The following EGR2 variants were observed in gnomAD, a reference collection of about 807,000 sequenced individuals.
EGR2 encodes E3 SUMO-protein ligase EGR2.
EGR2 carries 2 observed loss-of-function variants against 21.2 expected under a neutral mutation model. The observed-to-expected ratio is 0.09, with a 90% CI of 0.04 to 0.30. EGR2 has a LOEUF of 0.30. EGR2 is among the 10% of genes least tolerant of loss of function. EGR2 has a pLI of 1.00. For synonymous variants in EGR2, 282 were observed against 258.2 expected, an observed-to-expected ratio of 1.09 and a Z score of -0.88; for missense variants, 458 against 630.2, an observed-to-expected ratio of 0.73 and a Z score of 2.93.
Position 62,813,346 on chromosome 10 carries a change from G to A in EGR2, c.1292C>T (p.Pro431Leu). Residue 431 changes from proline (P) to leucine (L), a missense_variant, in exon 2 of 2, where the codon CCC becomes CTC. By Grantham distance (98) the Pro-to-Leu change is moderately conservative (BLOSUM62 -3). This residue lies in a region of EGR2 where 69 missense variants were observed against 70.4 expected (regional missense o/e 0.98). Coordinates refer to ENST00000242480, the MANE Select transcript of EGR2 (RefSeq NM_000399.5). This position sits in a 1 kb window ranked among gnomAD's most constrained non-coding sequence, Gnocchi z 5.7. ...AGAGGGGGCTGGCACCGATGCAGAG[G>A]GGGCACTGCTTTTCCGCTCTTTCTG... ...LRQKERKSSA[P>L]SASVPAPSTA... The A allele has an allele frequency of 6.3e-7, 1 of 1,597,890 alleles. No homozygotes were observed. Among genetic ancestry groups the A allele is most frequent in the South Asian group, 1.1e-5 (1 of 88,588 alleles).
At position 62,813,713 on chromosome 10, in the gene EGR2, C is replaced by G; in HGVS notation, c.925G>C (p.Ala309Pro). ...SAAAAAAAAA[A>P]YNPHHLPLRP... ...AGTGGCAGGTGGTGTGGGTTATAGG[C>G]GGCGGCGGCGGCGGCTGCTGCTGCT... Residue 309 changes from alanine to proline, a missense_variant, in exon 2 of 2, where the codon GCC (alanine) becomes CCC (proline). Transcript: ENST00000242480. The surrounding 1 kb of genome is among the most constrained non-coding windows in gnomAD (Gnocchi z 5.7). 10 of 1,607,790 alleles carry G rather than the reference C, an allele frequency of 6.2e-6. No homozygotes were observed. Among genetic ancestry groups the G allele is most frequent in the Non-Finnish European group, 8.5e-6 (10 of 1,178,196 alleles).
Position 62,814,106 on chromosome 10 carries a change from C to A in EGR2, c.532G>T (p.Ala178Ser), listed in dbSNP as rs1244249285. 2 of 1,613,884 alleles carry A rather than the reference C, an allele frequency of 1.2e-6. No individual in the cohort carries two copies. Among genetic ancestry groups the A allele is most frequent in the Non-Finnish European group, 1.7e-6 (2 of 1,179,858 alleles). ...PPPPPPYSGCAGDLYQDPSAF... is the reference protein window; with the variant it reads ...PPPPPPYSGCSGDLYQDPSAF... Reference sequence around the variant, plus strand: ...GAAGGGTCCTGGTAGAGGTCTCCTGCACAGCCAGAATAAGGAGGAGGAGGC... The same window carrying A: ...GAAGGGTCCTGGTAGAGGTCTCCTGAACAGCCAGAATAAGGAGGAGGAGGC... Residue 178 changes from alanine to serine, a missense_variant, in exon 2 of 2, where the codon GCA becomes TCA. Ala to Ser is a moderately conservative substitution (Grantham distance 99). Transcript: ENST00000242480. This position sits in a 1 kb window ranked among gnomAD's most constrained non-coding sequence, Gnocchi z 4.8.
chr10:62,818,127 T>C (rs1039321096), upstream of EGR2, among the ~76,000 whole-genome samples: 2 of 152,136 alleles, frequency 1.3e-5, no homozygotes, highest in East Asian at 3.9e-4. Context: ...CGCCACGCCG[T>C]GGAGGAAGCG....
chr10:62,816,721 G>C (rs181850827), upstream of EGR2, among the ~76,000 whole-genome samples: 13 of 152,266 alleles, frequency 8.5e-5, no homozygotes, highest in Admixed American at 8.5e-4. Flanking sequence ...GGTTCTCTGG[G>C]ACTTTCCAAA....
At chr10:62,815,281 A>C (rs1842232107) in intron 1 of EGR2, among the ~76,000 whole-genome samples, 1 of 150,998 alleles carries the variant, frequency 6.6e-6, no homozygotes, top group East Asian at 2.0e-4. Context: ...TCCACCACCC[A>C]CTCGCTGCCT....
In EGR2 at chr10:62,814,722, C is replaced by T. The variant is rs1303812601; in HGVS notation, c.170-254G>A. Among the ~76,000 whole-genome samples the T allele has an allele frequency of 3.3e-5, 5 of 152,202 alleles. No individual in the cohort carries two copies. The highest frequency in any genetic ancestry group is 1.2e-4 in the African/African-American group (5 of 41,438). ...GCAGAATGAGCTTTTCCCAACTCCC[C>T]TCCACCCCCAGCCATCTGTGGCTCT... On this transcript the variant is annotated intron_variant, in intron 1 of 1. Transcript: ENST00000242480. This position sits in a 1 kb window ranked among gnomAD's most constrained non-coding sequence, Gnocchi z 4.8.
In EGR2 at chr10:62,816,271, C is replaced by T; in HGVS notation, c.-242G>A. ...CACTGACTCTCTCCTGTCTGTGTTC[C>T]GGCTGCTGGGAAGCCAGGAGTTGCT... On this transcript the variant is annotated 5_prime_UTR_variant, in exon 1 of 2. Transcript: ENST00000242480. The T allele has an allele frequency of 7.3e-7, 1 of 1,373,338 alleles. No individual in the cohort carries two copies. Among genetic ancestry groups the T allele is most frequent in the East Asian group, 3.0e-5 (1 of 33,776 alleles). The allele number at this position is 1,373,338 out of a possible 1,614,324, so 85.1% of individuals were successfully genotyped here. A position where few individuals can be genotyped will look rare whatever the true frequency, so the allele number is the denominator to read the frequency against.
rs1406117779 is a variant in EGR2, at chr10:62,814,278, G to T, written c.360C>A (p.Ile120=). Residue 120 remains isoleucine (I), a synonymous_variant, in exon 2 of 2, where the codon ATC becomes ATA. Transcript: ENST00000242480. This position sits in a 1 kb window ranked among gnomAD's most constrained non-coding sequence, Gnocchi z 4.8. Reference sequence around the variant, plus strand: ...AAGCTGGGGAAGTGACCCCTTGCAAGATGCCTGCACTCACAATATTGATTA... The same window carrying T: ...AAGCTGGGGAAGTGACCCCTTGCAATATGCCTGCACTCACAATATTGATTA... ...EGIINIVSAG[I]LQGVTSPAST... is the part of the protein sequence containing the mutation. 6.2e-7 allele frequency: 1 copy of T among 1,614,032 alleles called. No homozygotes were observed. Among genetic ancestry groups the T allele is most frequent in the Non-Finnish European group, 8.5e-7 (1 of 1,180,032 alleles).
At position 62,813,800 on chromosome 10, in the gene EGR2, C is replaced by T. The variant is rs1842184754; in HGVS notation, c.838G>A (p.Val280Met). Residue 280 changes from valine to methionine, a missense_variant, in exon 2 of 2, where the codon GTG becomes ATG. Physicochemically the swap from Val to Met is conservative, Grantham distance 21 (BLOSUM62 1). Coordinates refer to ENST00000242480, the MANE Select transcript of EGR2 (RefSeq NM_000399.5). This position sits in a 1 kb window ranked among gnomAD's most constrained non-coding sequence, Gnocchi z 5.7. ...CCTCCACTGGCCCCTGGTCCGGTCA[C>T]CCCAGCACTGGGGCCCCCCAGGGTA... The part of the protein sequence containing the change: ...NFTLGGPSAG[V>M]TGPGASGGSE... 1 of 1,613,610 alleles carries T rather than the reference C, an allele frequency of 6.2e-7. No homozygotes were observed. The highest frequency in any genetic ancestry group is 1.1e-5 in the South Asian group (1 of 91,080).
upstream of EGR2, among the ~76,000 whole-genome samples, chr10:62,817,852 C>A (rs1002045782): frequency 6.6e-6 from 1 of 152,210 alleles, no homozygotes; most frequent in Admixed American, 6.5e-5. This position sits in a 1 kb window ranked among gnomAD's most constrained non-coding sequence, Gnocchi z 4.4. Context: ...CAGTGCGCCC[C>A]AGCCCGCAAT....
chr10:62,814,147 A>G lies in EGR2; in HGVS notation c.491T>C (p.Leu164Pro). 6.2e-7 allele frequency: 1 copy of G among 1,614,040 alleles called. No individual in the cohort carries two copies. Among genetic ancestry groups the G allele is most frequent in the Non-Finnish European group, 8.5e-7 (1 of 1,179,962 alleles). The change falls in exon 2 of 2, where the codon CTG (leucine) becomes CCG (proline). Residue 164 changes from leucine (L) to proline (P), a missense_variant. By Grantham distance (98) the Leu-to-Pro change is moderately conservative (BLOSUM62 -3). Transcript: ENST00000242480. This position sits in a 1 kb window ranked among gnomAD's most constrained non-coding sequence, Gnocchi z 4.8. The part of the protein sequence containing the change: ...MSQTQPDLDH[L>P]YSPPPPPPPY... ...AGGAGGAGGCGGTGGCGGAGAGTAC[A>G]GGTGGTCCAGGTCAGGCTGGGTCTG...
chr10:62,812,883 T>G lies in EGR2; in HGVS notation c.*324A>C. ...TGTGATGGGTCAAAATAAGGGGAAG[T>G]GGGGTAGCAAAACCTAGTCAAACAA... On this transcript the variant is annotated 3_prime_UTR_variant, in exon 2 of 2. Coordinates refer to ENST00000242480, the MANE Select transcript of EGR2 (RefSeq NM_000399.5). 1 of 251,594 alleles carries G rather than the reference T, an allele frequency of 4.0e-6. No individual in the cohort carries two copies. The allele number at this position is 251,594 out of a possible 1,614,324, so 15.6% of individuals were successfully genotyped here.
chr10:62,813,870 C>T lies in EGR2; in HGVS notation c.768G>A (p.Leu256=). The stretch of plus-strand genomic sequence containing the variant: ...GTGGAGTGAGTGGAGGGGGCACCCG[C>T]AGGGTGTCCAGTGGGCAGGGAAAGG... ...RKPFPCPLDT[L]RVPPPLTPLS... is the part of the protein sequence containing the mutation. Residue 256 remains leucine, a synonymous_variant, in exon 2 of 2, where the codon CTG becomes CTA. Coordinates refer to ENST00000242480, the MANE Select transcript of EGR2 (RefSeq NM_000399.5). The surrounding 1 kb of genome is among the most constrained non-coding windows in gnomAD (Gnocchi z 5.7). The T allele has an allele frequency of 6.2e-7, 1 of 1,614,124 alleles. No individual in the cohort carries two copies. The highest frequency in any genetic ancestry group is 8.5e-7 in the Non-Finnish European group (1 of 1,180,020).
intron 1 of EGR2, among the ~76,000 whole-genome samples, chr10:62,815,311 C>A (rs1022286563): frequency 1.3e-5 from 2 of 152,246 alleles, no homozygotes; most frequent in Non-Finnish European, 2.9e-5. Context: ...GGAGCCCCCG[C>A]CTTACTAACC....
rs1842215509 is a variant in EGR2, at chr10:62,814,621, A to C, written c.170-153T>G. ...CCAAAAGGTGGGGAAATTGAGGCCCACAGACTGTAAGAAGAGGCCAGCCCA... is the reference window on the plus strand; with the variant it reads ...CCAAAAGGTGGGGAAATTGAGGCCCCCAGACTGTAAGAAGAGGCCAGCCCA... On this transcript the variant is annotated intron_variant, in intron 1 of 1. Coordinates refer to ENST00000242480, the MANE Select transcript of EGR2 (RefSeq NM_000399.5). The surrounding 1 kb of genome is among the most constrained non-coding windows in gnomAD (Gnocchi z 4.8). Among the ~76,000 whole-genome samples the C allele has an allele frequency of 1.3e-5, 2 of 152,128 alleles. No homozygotes were observed. The highest frequency in any genetic ancestry group is 4.1e-4 in the South Asian group (2 of 4,826).
chr10:62,814,511 A>G lies in EGR2; in HGVS notation c.170-43T>C, dbSNP rs1842213857. On this transcript the variant is annotated intron_variant, in intron 1 of 1. Coordinates refer to ENST00000242480, the MANE Select transcript of EGR2 (RefSeq NM_000399.5). This position sits in a 1 kb window ranked among gnomAD's most constrained non-coding sequence, Gnocchi z 4.8. ...AGAATGGAGGTGGAACAATGAAAATACAGCCAGGACTCCCTTCTCACCCCC... is the reference window on the plus strand; with the variant it reads ...AGAATGGAGGTGGAACAATGAAAATGCAGCCAGGACTCCCTTCTCACCCCC... The G allele has an allele frequency of 1.3e-6, 2 of 1,578,928 alleles. No individual in the cohort carries two copies. Among genetic ancestry groups the G allele is most frequent in the African/African-American group, 2.7e-5 (2 of 74,098 alleles).
chr10:62,817,784 T>C (rs1838286932), upstream of EGR2, among the ~76,000 whole-genome samples: 1 of 152,162 alleles, frequency 6.6e-6, no homozygotes, highest in Admixed American at 6.5e-5. The surrounding 1 kb of genome is among the most constrained non-coding windows in gnomAD (Gnocchi z 4.4). Flanking sequence ...TTTAAAAACT[T>C]TTCCAAAGTC....
chr10:62,813,107 A>G lies in EGR2; in HGVS notation c.*100T>C. On this transcript the variant is annotated 3_prime_UTR_variant, in exon 2 of 2. Coordinates refer to ENST00000242480, the MANE Select transcript of EGR2 (RefSeq NM_000399.5). The surrounding 1 kb of genome is among the most constrained non-coding windows in gnomAD (Gnocchi z 5.7). ...CCAAAGCCCTTTGCCCAACAAAGGG[A>G]GAGAGGGACAGGAAAGGGTGGTAGT... The G allele has an allele frequency of 7.6e-7, 1 of 1,323,308 alleles. No homozygotes were observed. The highest frequency in any genetic ancestry group is 2.3e-5 in the East Asian group (1 of 42,770). 82.0% of individuals were successfully genotyped at this position (1,323,308 alleles called of 1,614,324 possible). A position where few individuals can be genotyped will look rare whatever the true frequency, so the allele number is the denominator to read the frequency against.
upstream of EGR2, among the ~76,000 whole-genome samples, chr10:62,818,092 G>C (rs1838297546): frequency 1.3e-5 from 2 of 152,256 alleles, no homozygotes; most frequent in Non-Finnish European, 2.9e-5. Context: ...AGCTTAGTGT[G>C]GGCCGGGGCG....
Sources: gnomAD v4.1 joint callset for allele counts (sites outside exome capture counted in the v4.1 genomes callset) on GRCh38, gnomAD v4.1.1 for gene constraint, gnomAD v4.1.1 regional missense constraint, Gnocchi (gnomAD v3.1) non-coding constraint, MANE v1.5 for transcripts, NCBI Gene and HGNC (gene_info 2026-07-23, HGNC 2026-07-21) for gene names.